Variants in NEGR1 observed in about 807,000 individuals in gnomAD.
NEGR1 encodes the protein neuronal growth regulator 1.
In NEGR1, 10 loss-of-function variants were observed where a neutral mutation model predicts 40.9. The observed-to-expected ratio is 0.24, with a 90% CI of 0.15 to 0.42. NEGR1 has a LOEUF of 0.42. Ranked by LOEUF, NEGR1 falls within the 10% of genes least tolerant of loss-of-function variation. The pLI is 1.00. For missense variants in NEGR1, 352 were observed against 438.9 expected (o/e 0.80, Z 1.77); for synonymous variants, 185 against 166.8 (o/e 1.11, Z -0.84).
intron 4 of NEGR1, among the ~76,000 whole-genome samples, chr1:71,654,629 G>A (rs547311395): frequency 6.6e-6 from 1 of 152,140 alleles, no homozygotes; most frequent in Non-Finnish European, 1.5e-5. Flanking sequence ...TCATTGGGGT[G>A]TGGAAAGGCA....
chr1:71,858,998 T>C (rs933663696), intron 2 of NEGR1, among the ~76,000 whole-genome samples: 1 of 152,098 alleles, frequency 6.6e-6, no homozygotes, highest in African/African-American at 2.4e-5. Context: ...TTTGGCTTTG[T>C]TCCCCATTGG....
At chr1:71,638,726 C>A (rs1366778837) in intron 4 of NEGR1, among the ~76,000 whole-genome samples, 1 of 151,838 alleles carries the variant, frequency 6.6e-6, no homozygotes, top group Non-Finnish European at 1.5e-5. Context: ...GATAGTAAAC[C>A]TTTGCATTTA....
chr1:71,867,557 G>T (rs1454275854), intron 2 of NEGR1, among the ~76,000 whole-genome samples: 2 of 152,132 alleles, frequency 1.3e-5, no homozygotes, highest in African/African-American at 4.8e-5. Flanking sequence ...TGATTAAGGG[G>T]TAAGCTTCTC....
intron 3 of NEGR1, among the ~76,000 whole-genome samples, chr1:71,701,180 T>C (rs913199600): frequency 2.0e-5 from 3 of 152,060 alleles, no homozygotes; most frequent in African/African-American, 4.8e-5. Flanking sequence ...TAATTGGTTA[T>C]AGCAACAGTA....
intron 2 of NEGR1, among the ~76,000 whole-genome samples, chr1:71,799,881 T>G (rs1209051283): frequency 6.6e-6 from 1 of 152,028 alleles, no homozygotes; most frequent in Non-Finnish European, 1.5e-5. Context: ...CCTGGCTAAT[T>G]TTTTGTATTT....
intron 1 of NEGR1, among the ~76,000 whole-genome samples, chr1:72,225,574 T>G (rs1002739139): frequency 1.3e-5 from 2 of 151,454 alleles, no homozygotes; most frequent in African/African-American, 2.4e-5. Flanking sequence ...GGGCTAATAC[T>G]AAGAAAAATA....
At chr1:71,647,555 C>T (rs917509889) in intron 4 of NEGR1, among the ~76,000 whole-genome samples, 15 of 151,916 alleles carry the variant, frequency 9.9e-5, no homozygotes. Context: ...AGCAGATGAA[C>T]TTCCTGTAAG....
chr1:72,085,968 C>CAAAA (rs36028456), intron 1 of NEGR1, among the ~76,000 whole-genome samples: 3 of 63,038 alleles, frequency 4.8e-5, no homozygotes, highest in African/African-American at 1.1e-4. Flanking sequence ...GACTCTGTCT[C>CAAAA]AAAAAAAAAA....
At chr1:71,923,810 G>C (rs1645744063) in intron 2 of NEGR1, among the ~76,000 whole-genome samples, 1 of 152,142 alleles carries the variant, frequency 6.6e-6, no homozygotes, top group African/African-American at 2.4e-5. Context: ...TCAGCAGTCA[G>C]CTCCCTCTGA....
chr1:71,478,617 A>G (rs984777075), intron 6 of NEGR1, among the ~76,000 whole-genome samples: 3 of 151,990 alleles, frequency 2.0e-5, no homozygotes, highest in South Asian at 2.1e-4. Flanking sequence ...AGCATATCCT[A>G]TTCCTCTGGA....
At chr1:71,644,912 T>C (rs1651482172) in intron 4 of NEGR1, among the ~76,000 whole-genome samples, 1 of 151,964 alleles carries the variant, frequency 6.6e-6, no homozygotes, top group African/African-American at 2.4e-5. Flanking sequence ...TGAAGTATTC[T>C]GAAGTCTGCT....
intron 6 of NEGR1, among the ~76,000 whole-genome samples, chr1:71,544,339 T>A (rs1447217610): frequency 1.3e-5 from 2 of 151,726 alleles, no homozygotes; most frequent in African/African-American, 4.8e-5. Context: ...GAACAGGTAC[T>A]GTCATTTACT....
intron 6 of NEGR1, among the ~76,000 whole-genome samples, chr1:71,417,888 G>A (rs1469889194): frequency 6.6e-6 from 1 of 152,154 alleles, no homozygotes; most frequent in East Asian, 1.9e-4. Context: ...AGGAGATCAT[G>A]TGTATCTCAG....
At chr1:72,042,819 C>A (rs1310628393) in intron 1 of NEGR1, among the ~76,000 whole-genome samples, 1 of 151,984 alleles carries the variant, frequency 6.6e-6, no homozygotes, top group Non-Finnish European at 1.5e-5. Flanking sequence ...TACCAGGATG[C>A]TTTTATTACC....
intron 6 of NEGR1, among the ~76,000 whole-genome samples, chr1:71,448,666 C>G (rs949376826): frequency 6.6e-6 from 1 of 152,004 alleles, no homozygotes. Flanking sequence ...GCAGAAAGCT[C>G]TGAGAACGAG....
At chr1:71,762,865 A>C (rs562919256) in intron 3 of NEGR1, among the ~76,000 whole-genome samples, 1 of 152,292 alleles carries the variant, frequency 6.6e-6, no homozygotes, top group Non-Finnish European at 1.5e-5. Flanking sequence ...ATCATTTGGC[A>C]ATAAAGGAGA....
chr1:71,847,247 T>C (rs1286705002), intron 2 of NEGR1, among the ~76,000 whole-genome samples: 1 of 152,224 alleles, frequency 6.6e-6, no homozygotes, highest in Non-Finnish European at 1.5e-5. Context: ...ATTTACTTAA[T>C]GATAAATAGA....
At chr1:71,410,185 G>A (rs1646310243) in intron 6 of NEGR1, among the ~76,000 whole-genome samples, 2 of 151,886 alleles carry the variant, frequency 1.3e-5, no homozygotes, top group South Asian at 2.1e-4. Context: ...ATTTATATTA[G>A]TCCTGAAATA....
In NEGR1 at chr1:72,232,353, C is replaced by CAA. The variant is rs199556269; in HGVS notation, c.176+49964_176+49965dup. 5.7e-3 allele frequency among the ~76,000 whole-genome samples: 801 copies of CAA among 140,082 alleles called. 7 individuals carry two copies. The highest frequency in any genetic ancestry group is 0.02 in the African/African-American group (737 of 37,276). The allele number at this position is 140,082 out of a possible 152,430, so 91.9% of individuals were successfully genotyped here. ...CCTGGGTGACAGAGCCAGATTCTGT[C>CAA]AAAAAAAAAAAAGCAGCAGCAGCTT... On this transcript the variant is annotated intron_variant, in intron 1 of 6. Transcript: ENST00000357731.
Sources: allele counts gnomAD v4.1 joint callset (sites outside exome capture counted in the v4.1 genomes callset), GRCh38; gene constraint gnomAD v4.1.1; transcripts MANE v1.5; gene names NCBI Gene and HGNC (gene_info 2026-07-23, HGNC 2026-07-21).